RAD51B: variants seen among roughly 807,000 people sequenced by gnomAD.
RAD51B encodes RAD51 paralog B, also known as DNA repair protein RAD51 homolog 2.
In RAD51B, 38 loss-of-function variants were observed where a neutral mutation model predicts 42.2. The observed-to-expected ratio is 0.90, with a 90% confidence interval of 0.70 to 1.18. The LOEUF is 1.18. Ranked by LOEUF, RAD51B falls within the 50% of genes most tolerant of loss-of-function variation. RAD51B has a pLI of 0.00. For missense variants in RAD51B, 373 were observed against 400.7 expected, an observed-to-expected ratio of 0.93 and a Z score of 0.59; for synonymous variants, 154 against 145.2, an observed-to-expected ratio of 1.06 and a Z score of -0.43.
chr14:68,124,449 A>G (rs1595434116), intron 7 of RAD51B, among the ~76,000 whole-genome samples: 1 of 152,198 alleles, frequency 6.6e-6, no homozygotes. Context: ...GTGTTTTTGT[A>G]CTCAGATATT....
downstream of RAD51B, among the ~76,000 whole-genome samples, chr14:68,612,177 G>C (rs559580310): frequency 1.3e-5 from 2 of 152,216 alleles, no homozygotes; most frequent in African/African-American, 4.8e-5. Context: ...GCTGACCCAG[G>C]AAAAGGCACT....
At chr14:68,168,493 A>G (rs2078800547) in intron 7 of RAD51B, among the ~76,000 whole-genome samples, 1 of 152,138 alleles carries the variant, frequency 6.6e-6, no homozygotes, top group African/African-American at 2.4e-5. Context: ...ATGTAGCATG[A>G]TTACACAAGC....
In RAD51B at chr14:67,962,983, C is replaced by T. The variant is rs558861901; in HGVS notation, c.756+75779C>T. Among the ~76,000 whole-genome samples the T allele has an allele frequency of 1.8e-4, 28 of 152,128 alleles. No homozygotes were observed. In the South Asian group the frequency reaches 2.9e-3, roughly 16 times the overall value. On this transcript the variant is annotated intron_variant, in intron 7 of 10. Transcript: ENST00000471583. Reference sequence around the variant, plus strand: ...AGTTTAAAAGTAATGTTAATCTATTCTTTGTGGTTTTGATCATTTTTCTTA... The same window carrying T: ...AGTTTAAAAGTAATGTTAATCTATTTTTTGTGGTTTTGATCATTTTTCTTA...
intron 7 of RAD51B, among the ~76,000 whole-genome samples, chr14:67,987,207 T>C (rs1190437531): frequency 2.0e-5 from 3 of 152,230 alleles, no homozygotes; most frequent in Non-Finnish European, 4.4e-5. Context: ...ACAATCTTAG[T>C]TATTTTGAAA....
intron 7 of RAD51B, among the ~76,000 whole-genome samples, chr14:68,256,944 ACAC>A: frequency 6.6e-6 from 1 of 152,332 alleles, no homozygotes; most frequent in South Asian, 2.1e-4. Flanking sequence ...TCATATTTTA[ACAC>A]TTTATTTCTG....
At chr14:67,982,870 C>A (rs1389874831) in intron 7 of RAD51B, among the ~76,000 whole-genome samples, 1 of 151,900 alleles carries the variant, frequency 6.6e-6, no homozygotes, top group African/African-American at 2.4e-5. Context: ...TTGAGACCAG[C>A]CCAGGCAACA....
intron 8 of RAD51B, among the ~76,000 whole-genome samples, chr14:68,310,572 G>T (rs370714065): frequency 1.3e-5 from 2 of 152,280 alleles, no homozygotes; most frequent in East Asian, 3.9e-4. Flanking sequence ...ACGGCTGGAC[G>T]TGGTGGCTCA....
At chr14:68,309,453 G>A (rs10141370) in intron 8 of RAD51B, among the ~76,000 whole-genome samples, 85,491 of 151,980 alleles carry the variant, frequency 0.56, 24,895 homozygotes, top group South Asian at 0.67. Flanking sequence ...TTTATTTTCA[G>A]GTAGAGAAGA....
chr14:68,497,687 T>G (rs1884628529), intron 10 of RAD51B: 1 of 335,940 alleles, frequency 3.0e-6, no homozygotes, highest in South Asian at 1.3e-4. Context: ...TGTTCCTATT[T>G]CCCCCTCCTC....
At chr14:67,942,824 A>T (rs2045255557) in intron 7 of RAD51B, among the ~76,000 whole-genome samples, 1 of 152,212 alleles carries the variant, frequency 6.6e-6, no homozygotes, top group African/African-American at 2.4e-5. Context: ...AGTGACTTAA[A>T]AATATGATGT....
chr14:68,278,240 C>A (rs545678037), intron 7 of RAD51B, among the ~76,000 whole-genome samples: 1 of 152,348 alleles, frequency 6.6e-6, no homozygotes, highest in East Asian at 1.9e-4. Flanking sequence ...CTACCAATTT[C>A]ATTTCTTCCA....
intron 10 of RAD51B, among the ~76,000 whole-genome samples, chr14:68,508,442 G>C (rs1346380125): frequency 6.6e-6 from 1 of 152,218 alleles, no homozygotes; most frequent in African/African-American, 2.4e-5. Context: ...GCTATCCTTT[G>C]TAGGAACTTT....
At chr14:68,204,831 G>A (rs868175597) in intron 7 of RAD51B, among the ~76,000 whole-genome samples, 6 of 152,118 alleles carry the variant, frequency 3.9e-5, no homozygotes, top group African/African-American at 1.2e-4. Flanking sequence ...AATTAATGAA[G>A]TAAATTATCT....
chr14:68,288,229 A>G (rs1243051636), intron 7 of RAD51B, among the ~76,000 whole-genome samples: 2 of 152,200 alleles, frequency 1.3e-5, no homozygotes, highest in Non-Finnish European at 1.5e-5. Context: ...CTTCTTCCCA[A>G]GTTGTGATGA....
At chr14:68,351,613 C>G (rs930743534) in intron 8 of RAD51B, among the ~76,000 whole-genome samples, 3 of 152,108 alleles carry the variant, frequency 2.0e-5, no homozygotes, top group African/African-American at 4.8e-5. Flanking sequence ...CAAGCCTTTA[C>G]TGGAGAGATG....
At position 68,411,494 on chromosome 14, in the gene RAD51B, G is replaced by T. The variant is rs1391635872; in HGVS notation, c.924G>T (p.Leu308=). Residue 308 remains leucine, a synonymous_variant, in exon 9 of 11, where the codon CTG becomes CTT. Coordinates refer to ENST00000471583, the MANE Select transcript of RAD51B (RefSeq NM_133510.4). ...GGAGTCACAGTGTGAATACCCGGCT[G>T]ATCCTCCAGTACCTTGATTCAGAGA... The part of the protein sequence containing the change: ...NTWSHSVNTR[L]ILQYLDSERR... 6.2e-7 allele frequency: 1 copy of T among 1,614,018 alleles called. No individual in the cohort carries two copies. Among genetic ancestry groups the T allele is most frequent in the Non-Finnish European group, 8.5e-7 (1 of 1,180,010 alleles).
intron 7 of RAD51B, among the ~76,000 whole-genome samples, chr14:68,187,387 C>G (rs1295523072): frequency 6.6e-6 from 1 of 152,148 alleles, no homozygotes; most frequent in Non-Finnish European, 1.5e-5. Flanking sequence ...AAAAAAAGAA[C>G]TATCCCTTTG....
chr14:68,063,458 G>T (rs1402405164), intron 7 of RAD51B, among the ~76,000 whole-genome samples: 1 of 152,026 alleles, frequency 6.6e-6, no homozygotes, highest in Non-Finnish European at 1.5e-5. Context: ...TATGGGGGCT[G>T]GGCGCAGTGG....
At chr14:68,206,428 T>C (rs113360420) in intron 7 of RAD51B, among the ~76,000 whole-genome samples, 110 of 152,336 alleles carry the variant, frequency 7.2e-4, no homozygotes, top group Non-Finnish European at 1.3e-3. Flanking sequence ...GTCCAAACTT[T>C]ATAAGATGAC....
Sources: allele counts gnomAD v4.1 joint callset (sites outside exome capture counted in the v4.1 genomes callset), GRCh38; gene constraint gnomAD v4.1.1; transcripts MANE v1.5; gene names NCBI Gene and HGNC (gene_info 2026-07-23, HGNC 2026-07-21).